Variants in PTPN12 observed in about 807,000 individuals in gnomAD.
PTPN12 encodes the protein protein tyrosine phosphatase non-receptor type 12.
A neutral mutation model predicts 97.6 loss-of-function variants in PTPN12; 29 were observed. The observed-to-expected ratio is 0.30, with a 90% CI of 0.22 to 0.41. The LOEUF (loss-of-function observed/expected upper bound fraction) is 0.41, where lower values mean the gene tolerates loss of function less well. PTPN12 is among the 10% of genes least tolerant of loss of function. The pLI, the probability that PTPN12 is intolerant of heterozygous loss-of-function variation, is 1.00. For missense variants in PTPN12, 819 were observed against 926.0 expected (o/e 0.88, Z 1.50); for synonymous variants, 327 against 300.4 (o/e 1.09, Z -0.91).
At chr7:77,625,504 T>A (rs867862496) in intron 12 of PTPN12, among the ~76,000 whole-genome samples, 2 of 105,102 alleles carry the variant, frequency 1.9e-5, no homozygotes, top group Admixed American at 1.0e-4. Context: ...TCTCTCTCTC[T>A]CTCTCTCTCT....
intron 2 of PTPN12, among the ~76,000 whole-genome samples, chr7:77,574,794 T>G (rs938705580): frequency 6.6e-5 from 10 of 152,162 alleles, no homozygotes; most frequent in Admixed American, 1.3e-4. Context: ...GTTTGATAAG[T>G]AGGTCTCCAG....
intron 1 of PTPN12, among the ~76,000 whole-genome samples, chr7:77,544,493 C>T (rs1189233437): frequency 2.0e-5 from 3 of 152,186 alleles, no homozygotes; most frequent in Non-Finnish European, 4.4e-5. Context: ...TTTAAGCATT[C>T]TCAAGAATGT....
chr7:77,612,090 T>A (rs1007810832), intron 11 of PTPN12, among the ~76,000 whole-genome samples: 3 of 152,244 alleles, frequency 2.0e-5, no homozygotes, highest in Middle Eastern at 3.4e-3. Context: ...ATTTATAACC[T>A]TCATTTTCCT....
intron 12 of PTPN12, among the ~76,000 whole-genome samples, chr7:77,625,514 TCTCTCTCTCACTCTCACTCTCACTCGCG>T (rs1789129392): frequency 9.5e-6 from 1 of 105,634 alleles, no homozygotes; most frequent in African/African-American, 3.6e-5. Flanking sequence ...TCTCTCTCTC[TCTCTCTCTCACTCTCACTCTCACTCGCG>T]CTCTCTCTCT....
At chr7:77,625,631 G>C (rs1279061901) in intron 12 of PTPN12, among the ~76,000 whole-genome samples, 4 of 135,328 alleles carry the variant, frequency 3.0e-5, no homozygotes, top group South Asian at 2.4e-4. Flanking sequence ...GTGCAGTGGC[G>C]TGATCTCAAC....
chr7:77,633,693 C>T (rs1039065002), intron 14 of PTPN12, among the ~76,000 whole-genome samples: 3 of 151,880 alleles, frequency 2.0e-5, no homozygotes, highest in Non-Finnish European at 4.4e-5. Context: ...GTTGGGTGGG[C>T]GTCACTGGAT....
At chr7:77,637,942 A>T (rs1038116799) in intron 16 of PTPN12, among the ~76,000 whole-genome samples, 3 of 52,346 alleles carry the variant, frequency 5.7e-5, no homozygotes, top group African/African-American at 2.4e-4. Context: ...TTGATTTCTT[A>T]AAATTTTTTT....
intron 2 of PTPN12, among the ~76,000 whole-genome samples, chr7:77,572,113 T>G (rs201468564): frequency 6.9e-5 from 8 of 115,382 alleles, no homozygotes; most frequent in Admixed American, 9.1e-5. Context: ...TTTTTTTTTT[T>G]TGTGACAGTC....
chr7:77,537,984 G>T (rs950604712), intron 1 of PTPN12: 38 of 993,496 alleles, frequency 3.8e-5, no homozygotes, highest in African/African-American at 8.8e-5. Context: ...AGGCCGGGGG[G>T]GGGGGCTCGC....
chr7:77,596,560 G>A (rs1049042689), intron 6 of PTPN12, among the ~76,000 whole-genome samples: 2 of 152,128 alleles, frequency 1.3e-5, no homozygotes, highest in Admixed American at 6.5e-5. Context: ...ACAGGCTTAC[G>A]CCTCAATGTC....
At chr7:77,611,321 T>A (rs930128989) in intron 11 of PTPN12, among the ~76,000 whole-genome samples, 7 of 152,236 alleles carry the variant, frequency 4.6e-5, no homozygotes, top group South Asian at 2.1e-4. Context: ...TTTACTTTTT[T>A]AAAAAATAAT....
chr7:77,606,468 C>T (rs1788376564), intron 8 of PTPN12, among the ~76,000 whole-genome samples: 1 of 151,998 alleles, frequency 6.6e-6, no homozygotes, highest in Non-Finnish European at 1.5e-5. Flanking sequence ...GCCATCATGG[C>T]TTACTGCAGC....
intron 1 of PTPN12, chr7:77,537,913 GCAC>G (rs1360040348): frequency 1.7e-5 from 10 of 591,210 alleles, no homozygotes; most frequent in Non-Finnish European, 2.3e-5. Context: ...CCCGCAGCCT[GCAC>G]CGTGGCTCGC....
chr7:77,630,904 G>T (rs1789375810), intron 13 of PTPN12, among the ~76,000 whole-genome samples: 1 of 152,114 alleles, frequency 6.6e-6, no homozygotes, highest in Admixed American at 6.6e-5. Context: ...AAAGTTCCAG[G>T]GAGAAACATG....
At chr7:77,595,433 T>G (rs921857366) in intron 6 of PTPN12, among the ~76,000 whole-genome samples, 8 of 152,182 alleles carry the variant, frequency 5.3e-5, no homozygotes, top group African/African-American at 1.7e-4. Flanking sequence ...AAAGTGGTGG[T>G]GAAAGGGTGA....
chr7:77,614,686 GCTGT>G (rs1788692352), intron 11 of PTPN12, among the ~76,000 whole-genome samples: 1 of 152,066 alleles, frequency 6.6e-6, no homozygotes, highest in Admixed American at 6.5e-5. Context: ...TTATAGGATG[GCTGT>G]CTGTGGTTGC....
chr7:77,608,950 A>G lies in PTPN12; in HGVS notation c.762+1649A>G, dbSNP rs573369176. Among the ~76,000 whole-genome samples, 11 of 152,338 alleles carry G rather than the reference A, an allele frequency of 7.2e-5. No homozygotes were observed. The East Asian group carries it at 2.1e-3, about 29-fold the overall frequency. On this transcript the variant is annotated intron_variant, in intron 9 of 17. Coordinates refer to ENST00000248594, the MANE Select transcript of PTPN12 (RefSeq NM_002835.4). ...AAGTTGTGTATTTTGGATAGGTGCC[A>G]TGGCTTATGCCATAATTCCAGCACT...
intron 2 of PTPN12, among the ~76,000 whole-genome samples, chr7:77,574,942 G>A (rs144163361): frequency 1.1e-4 from 16 of 151,332 alleles, no homozygotes; most frequent in Admixed American, 2.6e-4. Context: ...AGCAATTCTC[G>A]TGCCTCAGCC....
intron 13 of PTPN12, among the ~76,000 whole-genome samples, chr7:77,630,548 T>C (rs1481236954): frequency 3.3e-5 from 5 of 152,240 alleles, no homozygotes; most frequent in Non-Finnish European, 7.3e-5. Flanking sequence ...TAAGTATTTG[T>C]GTATCTAAAC....
Sources: allele counts gnomAD v4.1 joint callset (sites outside exome capture counted in the v4.1 genomes callset), GRCh38; gene constraint gnomAD v4.1.1; transcripts MANE v1.5; gene names NCBI Gene and HGNC (gene_info 2026-07-23, HGNC 2026-07-21).